RYR2: variants seen among roughly 807,000 people sequenced by gnomAD.
RYR2 encodes the protein cardiac muscle ryanodine receptor-calcium release channel.
RYR2 carries 227 observed loss-of-function variants against 601.1 expected under a neutral mutation model. That is an observed-to-expected ratio of 0.38 (90% CI 0.34 to 0.42). The LOEUF is 0.42. RYR2 is among the 10% of genes least tolerant of loss of function. RYR2 has a pLI of 1.00. For missense variants in RYR2, 4,646 were observed against 6,156.5 expected (o/e 0.75, Z 8.21); for synonymous variants, 2,223 against 2,175.1 (o/e 1.02, Z -0.61).
chr1:237,387,614 G>A (rs535938948), intron 9 of RYR2, among the ~76,000 whole-genome samples: 1 of 152,228 alleles, frequency 6.6e-6, no homozygotes, highest in Admixed American at 6.5e-5. Context: ...TAGTTTATTT[G>A]TGTATGCTTT....
chr1:237,184,187 G>A (rs1679093482), intron 1 of RYR2, among the ~76,000 whole-genome samples: 1 of 152,096 alleles, frequency 6.6e-6, no homozygotes, highest in African/African-American at 2.4e-5. Context: ...TTGGGGAAAA[G>A]CCTACATTCC....
intron 96 of RYR2, among the ~76,000 whole-genome samples, chr1:237,795,959 T>C (rs1485298795): frequency 1.2e-5 from 1 of 85,926 alleles, no homozygotes; most frequent in Non-Finnish European, 2.7e-5. Context: ...TATGTGTACA[T>C]ATGTATGTAT....
rs1658459675 is a variant in RYR2 at position 237,792,218 on chromosome 1, T to C, written c.13677T>C (p.Tyr4559=). Residue 4559 remains tyrosine (Y), a synonymous_variant, in exon 94 of 105, where the codon TAT becomes TAC. Coordinates refer to ENST00000366574, the MANE Select transcript of RYR2 (RefSeq NM_001035.3). ...CCCATAGAATCATCGCAGTTCACTA[T>C]GTACTAGAGGAGAGCAGCGGCTACA... ...SSSHRIIAVH[Y]VLEESSGYME... is the part of the protein sequence containing the mutation. 1.9e-6 allele frequency: 3 copies of C among 1,613,704 alleles called. No homozygotes were observed. The highest frequency in any genetic ancestry group is 1.3e-5 in the African/African-American group (1 of 74,874).
chr1:237,443,024 C>T (rs1449572825), intron 13 of RYR2, among the ~76,000 whole-genome samples: 1 of 152,120 alleles, frequency 6.6e-6, no homozygotes. Flanking sequence ...TGTTTTCGTG[C>T]CATTTTAGTC....
At chr1:237,251,561 C>A (rs1687467403) in intron 1 of RYR2, among the ~76,000 whole-genome samples, 2 of 152,138 alleles carry the variant, frequency 1.3e-5, no homozygotes, top group South Asian at 4.1e-4. Flanking sequence ...CCCCTCTTTC[C>A]AACCTCATAA....
chr1:237,192,398 A>G (rs1680072054), intron 1 of RYR2, among the ~76,000 whole-genome samples: 1 of 151,822 alleles, frequency 6.6e-6, no homozygotes, highest in Non-Finnish European at 1.5e-5. Flanking sequence ...TATTTTTAGT[A>G]TAGACGGGGT....
chr1:237,246,927 T>A lies in RYR2; in HGVS notation c.49-23570T>A, dbSNP rs150417579. On this transcript the variant is annotated intron_variant, in intron 1 of 104. Coordinates refer to ENST00000366574, the MANE Select transcript of RYR2 (RefSeq NM_001035.3). ...ATAGAGAACCTAAAACATTTGATTGTCAATTTTAGTGGAAGATGCATACAA... is the reference window on the plus strand; with the variant it reads ...ATAGAGAACCTAAAACATTTGATTGACAATTTTAGTGGAAGATGCATACAA... Among the ~76,000 whole-genome samples, 13 of 152,328 alleles carry A rather than the reference T, an allele frequency of 8.5e-5. No homozygotes were observed. The East Asian group carries it at 2.5e-3, about 29-fold the overall frequency.
chr1:237,322,104 A>G (rs1354761840), intron 2 of RYR2, among the ~76,000 whole-genome samples: 1 of 152,220 alleles, frequency 6.6e-6, no homozygotes, highest in Non-Finnish European at 1.5e-5. Context: ...ACTGATACTG[A>G]GTAATTAATT....
chr1:237,781,052 ACTT>A lies in RYR2; in HGVS notation c.11881-512_11881-510del, dbSNP rs918679470. ...ATATATGTTCATTGTCGGTACAAAT[ACTT>A]TTTTTTTTTCTGAGACCCAGTCTTG... is the stretch of plus-strand genomic sequence containing the variant. On this transcript the variant is annotated intron_variant, in intron 88 of 104. Coordinates refer to ENST00000366574, the MANE Select transcript of RYR2 (RefSeq NM_001035.3). 5.3e-5 allele frequency among the ~76,000 whole-genome samples: 8 copies of A among 151,326 alleles called. No homozygotes were observed. The Admixed American group carries it at 5.3e-4, about 10-fold the overall frequency.
At chr1:237,484,419 G>A (rs1662456342) in intron 17 of RYR2, among the ~76,000 whole-genome samples, 1 of 152,196 alleles carries the variant, frequency 6.6e-6, no homozygotes, top group East Asian at 1.9e-4. Context: ...GCTTTCTGCA[G>A]TGATCATGGG....
chr1:237,657,799 A>G (rs1683397464), intron 53 of RYR2, 145 bp from the exon 54 acceptor site: 1 of 499,622 alleles, frequency 2.0e-6, no homozygotes, highest in East Asian at 3.8e-5. Context: ...TGAAAATAGA[A>G]AAATGTAATT....
At chr1:237,096,356 A>G (rs1160883941) in intron 1 of RYR2, among the ~76,000 whole-genome samples, 15 of 152,026 alleles carry the variant, frequency 9.9e-5, no homozygotes. Context: ...CTTCCCTTTT[A>G]TTTCTAAATT....
intron 17 of RYR2, among the ~76,000 whole-genome samples, chr1:237,471,959 T>C (rs1572477039): frequency 2.0e-5 from 3 of 152,356 alleles, no homozygotes; most frequent in East Asian, 1.9e-4. Flanking sequence ...GAAAAATTAT[T>C]GTTACTGCCA....
At chr1:237,138,172 C>T (rs1286929312) in intron 1 of RYR2, among the ~76,000 whole-genome samples, 2 of 152,164 alleles carry the variant, frequency 1.3e-5, no homozygotes, top group African/African-American at 2.4e-5. Context: ...GCTGGAATTG[C>T]AGGCGTGTGC....
At chr1:237,813,563 A>G (rs1451995561) in intron 100 of RYR2, among the ~76,000 whole-genome samples, 2 of 152,200 alleles carry the variant, frequency 1.3e-5, no homozygotes, top group Admixed American at 1.3e-4. Flanking sequence ...AAACGACTAC[A>G]TTTTGAACCT....
intron 33 of RYR2, among the ~76,000 whole-genome samples, chr1:237,594,865 A>G (rs1675627906): frequency 8.7e-6 from 1 of 115,262 alleles, no homozygotes; most frequent in Non-Finnish European, 1.7e-5. Context: ...ATCAGGTGGC[A>G]TTTGTGGTTA....
chr1:237,533,025 G>C (rs1558981078), intron 25 of RYR2, among the ~76,000 whole-genome samples: 1 of 152,176 alleles, frequency 6.6e-6, no homozygotes, highest in East Asian at 1.9e-4. Context: ...TGGGGCACAG[G>C]GTTTAAAAAT....
chr1:237,546,999 ATT>A (rs1669893591), intron 25 of RYR2, among the ~76,000 whole-genome samples: 3 of 141,192 alleles, frequency 2.1e-5, no homozygotes, highest in Non-Finnish European at 3.1e-5. Context: ...ATATATATTT[ATT>A]TATTTATTTA....
intron 14 of RYR2, among the ~76,000 whole-genome samples, chr1:237,452,261 A>G (rs1658266378): frequency 1.4e-5 from 2 of 138,738 alleles, no homozygotes; most frequent in Admixed American, 7.8e-5. Flanking sequence ...AGTATAGTAT[A>G]TGTTATATAT....
Sources: gnomAD v4.1 joint callset for allele counts (sites outside exome capture counted in the v4.1 genomes callset) on GRCh38, gnomAD v4.1.1 for gene constraint, MANE v1.5 for transcripts, NCBI Gene and HGNC (gene_info 2026-07-23, HGNC 2026-07-21) for gene names.